Variants in ORM2 observed in about 807,000 individuals in gnomAD.
ORM2 encodes the protein orosomucoid 2, also known as alpha-1-acid glycoprotein 2.
Under a neutral mutation model 26.8 loss-of-function variants are expected in ORM2, and 19 were observed. The ratio of observed to expected loss-of-function variants is 0.71; its 90% CI spans 0.49 to 1.04. ORM2 has a LOEUF of 1.04. Ranked by LOEUF, ORM2 falls within the 50% of genes least tolerant of loss-of-function variation. ORM2 has a pLI of 0.00. For missense variants in ORM2, 259 were observed against 244.9 expected, an observed-to-expected ratio of 1.06 and a Z score of -0.39; for synonymous variants, 94 against 100.0, an observed-to-expected ratio of 0.94 and a Z score of 0.36.
intron 4 of ORM2, 47 bp from the exon 5 acceptor site, chr9:114,331,779 G>A (rs775922024): frequency 8.1e-6 from 13 of 1,596,714 alleles, no homozygotes; most frequent in South Asian, 1.1e-5. Flanking sequence ...CTGGCCTCCC[G>A]CCGGGCCCCA....
At position 114,332,693 on chromosome 9, in the gene ORM2, C is replaced by T. The variant is rs572551533; in HGVS notation, c.541-376C>T. 3.7e-3 allele frequency among the ~76,000 whole-genome samples: 562 copies of T among 152,226 alleles called. 10 individuals are homozygous for T. The highest frequency in any genetic ancestry group is 0.013 in the African/African-American group (537 of 41,486). On this transcript the variant is annotated intron_variant, in intron 5 of 5. Transcript: ENST00000431067. ...GCTCACTTGATCCACAGCCTGGCACCTCCACTGTCTGGCTAGGGAGCCTCG... is the reference window on the plus strand; with the variant it reads ...GCTCACTTGATCCACAGCCTGGCACTTCCACTGTCTGGCTAGGGAGCCTCG...
chr9:114,331,534 T>C (rs1460252813), intron 3 of ORM2, 33 bp from the exon 4 acceptor site: 4 of 1,560,158 alleles, frequency 2.6e-6, no homozygotes, highest in Admixed American at 1.7e-5. Context: ...TGCCATCCCA[T>C]GTTCTCACCC....
intron 1 of ORM2, 51 bp downstream of exon 1, chr9:114,330,069 T>C (rs755555701): frequency 5.0e-6 from 8 of 1,610,540 alleles, no homozygotes; most frequent in Non-Finnish European, 6.8e-6. Context: ...CTGCCTCCCT[T>C]CTCTGGGCTT....
intron 3 of ORM2, 86 bp downstream of exon 3, chr9:114,330,948 G>C: frequency 9.1e-7 from 1 of 1,102,108 alleles, no homozygotes; most frequent in Non-Finnish European, 1.4e-6. Context: ...GAGCCCTGGA[G>C]GCTTTGGGCA....
chr9:114,331,592 C>T lies in ORM2; in HGVS notation c.354C>T (p.His118=). The T allele has an allele frequency of 6.2e-7, 1 of 1,613,962 alleles. No individual in the cohort carries two copies. Among genetic ancestry groups the T allele is most frequent in the Non-Finnish European group, 8.5e-7 (1 of 1,179,958 alleles). Residue 118 remains histidine, a synonymous_variant, in exon 4 of 6, where the codon CAC becomes CAT. Coordinates refer to ENST00000431067, the MANE Select transcript of ORM2 (RefSeq NM_000608.4). ...AGGGAGGCCGAGAACATGTTGCTCACCTGCTGTTCCTTAGGGACACCAAGA... is the reference window on the plus strand; with the variant it reads ...AGGGAGGCCGAGAACATGTTGCTCATCTGCTGTTCCTTAGGGACACCAAGA... The part of the protein sequence containing the change: ...RYEGGREHVA[H]LLFLRDTKTL...
At position 114,330,512 on chromosome 9, in the gene ORM2, A is replaced by T; in HGVS notation, c.193A>T (p.Thr65Ser). 6.2e-7 allele frequency: 1 copy of T among 1,611,942 alleles called. No homozygotes were observed. The highest frequency in any genetic ancestry group is 8.5e-7 in the Non-Finnish European group (1 of 1,179,836). ...TAAGTCGGTTCAGGAGATCCAAGCA[A>T]CCTTCTTTTACTTTACCCCCAACAA... Reference protein sequence around the residue: ...YNKSVQEIQATFFYFTPNKTE... With the variant: ...YNKSVQEIQASFFYFTPNKTE... Residue 65 changes from threonine to serine, a missense_variant, in exon 2 of 6, where the codon ACC becomes TCC. Thr to Ser is a moderately conservative substitution (Grantham distance 58). This residue lies in a region of ORM2 where 251 missense variants were observed against 220.5 expected (regional missense o/e 1.14). Transcript: ENST00000431067.
chr9:114,331,434 G>A (rs1279560817), intron 3 of ORM2, 133 bp from the exon 4 acceptor site: 38 of 674,434 alleles, frequency 5.6e-5, no homozygotes, highest in East Asian at 2.1e-4. Context: ...CTGGGCACAC[G>A]GTGGCCCAAA....
Position 114,331,936 on chromosome 9 carries a change from G to C in ORM2, c.540+7G>C. 1 of 1,612,528 alleles carries C rather than the reference G, an allele frequency of 6.2e-7. No individual in the cohort carries two copies. Among genetic ancestry groups the C allele is most frequent in the South Asian group, 1.1e-5 (1 of 91,040 alleles). The stretch of plus-strand genomic sequence containing the variant: ...GTACACCGACTGGAAAAAGGTAAAC[G>C]CAAGGGATTGGACAGTGCCCACCTT... On this transcript the variant is annotated splice_region_variant and intron_variant, in intron 5 of 5. Transcript: ENST00000431067.
intron 4 of ORM2, 50 bp from the exon 5 acceptor site, chr9:114,331,776 C>T: frequency 6.3e-7 from 1 of 1,598,350 alleles, no homozygotes; most frequent in South Asian, 1.1e-5. Context: ...TCCCTGGCCT[C>T]CCGCCGGGCC....
intron 5 of ORM2, among the ~76,000 whole-genome samples, chr9:114,332,391 T>C (rs2131731798): frequency 6.6e-6 from 1 of 152,246 alleles, no homozygotes; most frequent in Admixed American, 6.5e-5. Flanking sequence ...AAATGAAAAT[T>C]ACTGTATAAT....
At chr9:114,331,449 A>G (rs10759691) in intron 3 of ORM2, 118 bp from the exon 4 acceptor site, 304,256 of 760,330 alleles carry the variant, frequency 0.4, 63,881 homozygotes, top group East Asian at 0.6. Context: ...CCCAAAGGAG[A>G]CCCGGGCCTT....
chr9:114,330,422 C>T lies in ORM2; in HGVS notation c.115-12C>T, dbSNP rs140637781. 39 of 1,556,492 alleles carry T rather than the reference C, an allele frequency of 2.5e-5. 2 individuals are homozygous for T. Among genetic ancestry groups the T allele is most frequent in the Non-Finnish European group, 3.4e-5 (39 of 1,143,926 alleles). On this transcript the variant is annotated splice_polypyrimidine_tract_variant and intron_variant, in intron 1 of 5. Coordinates refer to ENST00000431067, the MANE Select transcript of ORM2 (RefSeq NM_000608.4). Reference sequence around the variant, plus strand: ...ATCAAGCCCCCATCACCAGCTCCCCCCTTCTCCCCAGATCACTGGCAAGTG... The same window carrying T: ...ATCAAGCCCCCATCACCAGCTCCCCTCTTCTCCCCAGATCACTGGCAAGTG...
chr9:114,330,286 CA>C (rs1829829106), intron 1 of ORM2, 147 bp from the exon 2 acceptor site: 3 of 883,626 alleles, frequency 3.4e-6, no homozygotes, highest in African/African-American at 3.9e-5. Context: ...GACTGATCCT[CA>C]GGGTGAGCTC....
chr9:114,331,002 C>A, intron 3 of ORM2, 140 bp downstream of exon 3: 1 of 656,032 alleles, frequency 1.5e-6, no homozygotes, highest in Non-Finnish European at 2.7e-6. Context: ...ACCACGTGCT[C>A]AGAAAAAATC....
At chr9:114,330,107 C>G in intron 1 of ORM2, 89 bp downstream of exon 1, 2 of 1,610,268 alleles carry the variant, frequency 1.2e-6, no homozygotes, top group Non-Finnish European at 1.7e-6. Flanking sequence ...GTGGTCGCAC[C>G]CCCACTCCCA....
intron 1 of ORM2, 74 bp from the exon 2 acceptor site, chr9:114,330,360 C>T: frequency 6.6e-7 from 1 of 1,517,308 alleles, no homozygotes; most frequent in Non-Finnish European, 9.0e-7. Context: ...GAGAGATCTG[C>T]CTGAGTCTCC....
chr9:114,331,542 C>A, intron 3 of ORM2, 25 bp from the exon 4 acceptor site: 1 of 1,586,712 alleles, frequency 6.3e-7, no homozygotes, highest in Non-Finnish European at 8.6e-7. Context: ...CATGTTCTCA[C>A]CCAGAGGCTC....
At chr9:114,331,347 C>T (rs541314632) in intron 3 of ORM2, among the ~76,000 whole-genome samples, 37 of 152,200 alleles carry the variant, frequency 2.4e-4, no homozygotes, top group Non-Finnish European at 4.9e-4. Context: ...AAGGCCCTGA[C>T]AGCCACAGTC....
chr9:114,330,749 C>G (rs17230081), intron 2 of ORM2, 43 bp from the exon 3 acceptor site: 5 of 1,605,760 alleles, frequency 3.1e-6, no homozygotes, highest in East Asian at 2.2e-5. Context: ...CACTTCTCCT[C>G]GATAACATTA....
Sources: allele counts gnomAD v4.1 joint callset (sites outside exome capture counted in the v4.1 genomes callset), GRCh38; gene constraint gnomAD v4.1.1; regional missense constraint gnomAD v4.1.1; transcripts MANE v1.5; gene names NCBI Gene and HGNC (gene_info 2026-07-23, HGNC 2026-07-21).